GALNT15: variants seen among roughly 807,000 people sequenced by gnomAD.
GALNT15 encodes UDP-GalNAc transferase T15.
A neutral mutation model predicts 66.8 loss-of-function variants in GALNT15; 67 were observed. That is an observed-to-expected ratio of 1.00 (90% CI 0.82 to 1.23). The LOEUF is 1.23. Among genes scored for constraint, GALNT15 ranks in the 50% most tolerant of loss-of-function variants. GALNT15 has a pLI of 0.00. For missense variants in GALNT15, 827 were observed against 804.3 expected (o/e 1.03, Z -0.34); for synonymous variants, 313 against 311.5 (o/e 1.00, Z -0.05).
rs1216809656 is a variant in GALNT15, at chr3:16,227,431, G to A, written c.1851G>A (p.Leu617=). Residue 617 remains leucine, a synonymous_variant, in exon 10 of 10, where the codon CTG becomes CTA. Coordinates refer to ENST00000339732, the MANE Select transcript of GALNT15 (RefSeq NM_054110.5). This position sits in a 1 kb window ranked among gnomAD's most constrained non-coding sequence, Gnocchi z 4.5. ...AAGAAAACAATAAAGATTTGTACCT[G>A]CGTCCGTGTGATGGAAAAGCCCGCC... The part of the protein sequence containing the change: ...VVQENNKDLY[L]RPCDGKARQQ... 1 of 1,614,080 alleles carries A rather than the reference G, an allele frequency of 6.2e-7. No individual in the cohort carries two copies. The highest frequency in any genetic ancestry group is 1.1e-5 in the South Asian group (1 of 91,080).
chr3:16,194,749 A>G (rs1355895832), intron 1 of GALNT15, among the ~76,000 whole-genome samples: 1 of 152,188 alleles, frequency 6.6e-6, no homozygotes, highest in Non-Finnish European at 1.5e-5. Context: ...CAAACACCGC[A>G]TGTTCTCACT....
intron 9 of GALNT15, 61 bp downstream of exon 9, chr3:16,222,819 G>A (rs2063960090): frequency 1.3e-6 from 2 of 1,585,170 alleles, no homozygotes; most frequent in East Asian, 2.2e-5. Context: ...CTGCTGGTTG[G>A]CATTGGATCC....
At chr3:16,230,378 A>G (rs568562504), downstream of GALNT15, among the ~76,000 whole-genome samples, 1 of 152,342 alleles carries the variant, frequency 6.6e-6, no homozygotes, top group South Asian at 2.1e-4. This position sits in a 1 kb window ranked among gnomAD's most constrained non-coding sequence, Gnocchi z 4.5. Flanking sequence ...ATGGTGGTTG[A>G]AAAGTCCTCA....
In GALNT15 at chr3:16,195,705, G is replaced by C. The variant is rs904158480; in HGVS notation, c.540-55G>C. The C allele has an allele frequency of 1.1e-5, 17 of 1,516,528 alleles. No individual in the cohort carries two copies. Among genetic ancestry groups the C allele is most frequent in the Non-Finnish European group, 1.5e-5 (17 of 1,104,036 alleles). 93.9% of individuals were successfully genotyped at this position (1,516,528 alleles called of 1,614,324 possible). A position where few individuals can be genotyped will look rare whatever the true frequency, so the allele number is the denominator to read the frequency against. On this transcript the variant is annotated intron_variant, in intron 1 of 9. Coordinates refer to ENST00000339732, the MANE Select transcript of GALNT15 (RefSeq NM_054110.5). The surrounding 1 kb of genome is among the most constrained non-coding windows in gnomAD (Gnocchi z 4.6). Reference sequence around the variant, plus strand: ...CAAAGGAAGCGAGTTAGAGGGTGTGGAGTGTTTCTTGTGGCCTTCTCTTCC... The same window carrying C: ...CAAAGGAAGCGAGTTAGAGGGTGTGCAGTGTTTCTTGTGGCCTTCTCTTCC...
intron 3 of GALNT15, among the ~76,000 whole-genome samples, chr3:16,202,490 G>A (rs1401581498): frequency 6.6e-6 from 1 of 152,154 alleles, no homozygotes; most frequent in Non-Finnish European, 1.5e-5. Context: ...AAAATTAACT[G>A]GGTGTGGTAG....
intron 2 of GALNT15, among the ~76,000 whole-genome samples, chr3:16,198,316 A>C (rs1253997579): frequency 7.1e-6 from 1 of 140,676 alleles, no homozygotes; most frequent in Non-Finnish European, 1.6e-5. Flanking sequence ...GGCGAAGAAG[A>C]GATAGGCAGA....
intron 2 of GALNT15, among the ~76,000 whole-genome samples, chr3:16,199,837 A>T (rs2063680057): frequency 6.6e-6 from 1 of 152,180 alleles, no homozygotes; most frequent in African/African-American, 2.4e-5. Context: ...TTAATACCCC[A>T]AGGCAAGTCT....
Position 16,200,848 on chromosome 3 carries a change from A to G in GALNT15, c.911+25A>G, listed in dbSNP as rs372255227. Reference sequence around the variant, plus strand: ...GGTAACTTATTCCCTGGGCTTGCAAAGCAAGACATGGAACTGGGAGAAACA... The same window carrying G: ...GGTAACTTATTCCCTGGGCTTGCAAGGCAAGACATGGAACTGGGAGAAACA... On this transcript the variant is annotated intron_variant, in intron 3 of 9. Transcript: ENST00000339732. This position sits in a 1 kb window ranked among gnomAD's most constrained non-coding sequence, Gnocchi z 4.4. The G allele has an allele frequency of 2.6e-6, 4 of 1,567,264 alleles. No individual in the cohort carries two copies. The highest frequency in any genetic ancestry group is 3.5e-6 in the Non-Finnish European group (4 of 1,153,492).
intron 6 of GALNT15, among the ~76,000 whole-genome samples, chr3:16,218,127 G>A (rs2063899875): frequency 6.6e-6 from 1 of 152,190 alleles, no homozygotes; most frequent in Admixed American, 6.5e-5. Context: ...CATTTCTCAG[G>A]CAGATGCTCA....
chr3:16,208,349 G>A (rs1039047727), intron 3 of GALNT15, among the ~76,000 whole-genome samples, 154 bp from the exon 4 acceptor site: 1 of 152,122 alleles, frequency 6.6e-6, no homozygotes, highest in Admixed American at 6.5e-5. Flanking sequence ...AATCCAGGGT[G>A]TATTTTACAC....
rs1394328198 is a variant in GALNT15 at position 16,224,591 on chromosome 3, TAACAATGTGA to T, written c.1773+1835_1773+1844del. Among the ~76,000 whole-genome samples the T allele has an allele frequency of 6.6e-6, 1 of 151,698 alleles. No homozygotes were observed. The highest frequency in any genetic ancestry group is 2.4e-5 in the African/African-American group (1 of 41,336). ...GAAAAAGTTCTGGATATCTGTTTCA[TAACAATGTGA>T]ATATATTTAACACTATTGTAGTAGG... On this transcript the variant is annotated intron_variant, in intron 9 of 9. Coordinates refer to ENST00000339732, the MANE Select transcript of GALNT15 (RefSeq NM_054110.5). This position sits in a 1 kb window ranked among gnomAD's most constrained non-coding sequence, Gnocchi z 5.2.
rs536336705 is a variant in GALNT15 at position 16,183,293 on chromosome 3, C to T, written c.539+7603C>T. ...AGCCCTTTCCTCCCATCTCTCTTGTCTGCAAGCTTCTTCATCCATTCTTCT... is the reference window on the plus strand; with the variant it reads ...AGCCCTTTCCTCCCATCTCTCTTGTTTGCAAGCTTCTTCATCCATTCTTCT... On this transcript the variant is annotated intron_variant, in intron 1 of 9. Transcript: ENST00000339732. This position sits in a 1 kb window ranked among gnomAD's most constrained non-coding sequence, Gnocchi z 5.2. 1.3e-5 allele frequency: 2 copies of T among 152,420 alleles called. No individual in the cohort carries two copies. Among genetic ancestry groups the T allele is most frequent in the East Asian group, 3.9e-4 (2 of 5,180 alleles). The allele number at this position is 152,420 out of a possible 1,614,324, so 9.4% of individuals were successfully genotyped here. A position where few individuals can be genotyped will look rare whatever the true frequency, so the allele number is the denominator to read the frequency against.
At chr3:16,214,478 A>G (rs1336198928) in intron 6 of GALNT15, among the ~76,000 whole-genome samples, 7 of 152,356 alleles carry the variant, frequency 4.6e-5, no homozygotes, top group Non-Finnish European at 1.0e-4. Context: ...AGCACTTTAG[A>G]TGAGTGCCTG....
In GALNT15 at chr3:16,230,133, G is replaced by A. The variant is rs541926984; in HGVS notation, c.*2633G>A. ...ATTTTGTGATTGGATTTTGTTGTTC[G>A]TTTTTTAAGATTGAATTTTGTTACC... On this transcript the variant is annotated 3_prime_UTR_variant, in exon 10 of 10. Transcript: ENST00000339732. The surrounding 1 kb of genome is among the most constrained non-coding windows in gnomAD (Gnocchi z 4.5). Among the ~76,000 whole-genome samples, 7 of 149,678 alleles carry A rather than the reference G, an allele frequency of 4.7e-5. No homozygotes were observed. Among genetic ancestry groups the A allele is most frequent in the East Asian group, 1.9e-4 (1 of 5,184 alleles).
At position 16,200,723 on chromosome 3, in the gene GALNT15, G is replaced by T. The variant is rs1374803884; in HGVS notation, c.811G>T (p.Ala271Ser). The T allele has an allele frequency of 6.2e-7, 1 of 1,612,018 alleles. No homozygotes were observed. The highest frequency in any genetic ancestry group is 8.5e-7 in the Non-Finnish European group (1 of 1,179,126). ...LGAIRARMLG[A>S]TRATGDVLVF... ...TGCCATCAGGGCCCGGATGCTGGGG[G>T]CCACCAGAGCCACCGGGGATGTGCT... Residue 271 changes from alanine (A) to serine (S), a missense_variant, in exon 3 of 10, where the codon GCC (alanine) becomes TCC (serine). Ala to Ser is a moderately conservative substitution (Grantham distance 99, BLOSUM62 1). Coordinates refer to ENST00000339732, the MANE Select transcript of GALNT15 (RefSeq NM_054110.5). This position sits in a 1 kb window ranked among gnomAD's most constrained non-coding sequence, Gnocchi z 4.4.
At position 16,184,361 on chromosome 3, in the gene GALNT15, C is replaced by G. The variant is rs1189835764; in HGVS notation, c.539+8671C>G. Among the ~76,000 whole-genome samples the G allele has an allele frequency of 3.3e-5, 5 of 152,222 alleles. No individual in the cohort carries two copies. Among genetic ancestry groups the G allele is most frequent in the African/African-American group, 1.2e-4 (5 of 41,460 alleles). Reference sequence around the variant, plus strand: ...ATGATGTTCAAGAGCCTTTGCCATGCTCTGCCTCATTGGTTGGCTCAGCAA... The same window carrying G: ...ATGATGTTCAAGAGCCTTTGCCATGGTCTGCCTCATTGGTTGGCTCAGCAA... On this transcript the variant is annotated intron_variant, in intron 1 of 9. Transcript: ENST00000339732. The surrounding 1 kb of genome is among the most constrained non-coding windows in gnomAD (Gnocchi z 5.0).
intron 8 of GALNT15, among the ~76,000 whole-genome samples, chr3:16,221,416 G>A (rs1309333097): frequency 6.6e-6 from 1 of 152,028 alleles, no homozygotes; most frequent in Non-Finnish European, 1.5e-5. Flanking sequence ...AAGAAAGAAA[G>A]GGAAACCTCC....
Position 16,211,349 on chromosome 3 carries a change from G to A in GALNT15, c.1197+108G>A. 1 of 726,732 alleles carries A rather than the reference G, an allele frequency of 1.4e-6. No homozygotes were observed. The highest frequency in any genetic ancestry group is 2.4e-6 in the Non-Finnish European group (1 of 410,490). The allele number at this position is 726,732 out of a possible 1,614,324, so 45.0% of individuals were successfully genotyped here. A position where few individuals can be genotyped will look rare whatever the true frequency, so the allele number is the denominator to read the frequency against. On this transcript the variant is annotated intron_variant, in intron 5 of 9. Coordinates refer to ENST00000339732, the MANE Select transcript of GALNT15 (RefSeq NM_054110.5). This position sits in a 1 kb window ranked among gnomAD's most constrained non-coding sequence, Gnocchi z 4.3. Reference sequence around the variant, plus strand: ...TGTCACTGGGAAGGAATGAGGCTGTGGGAAAATTATAAAGTCATTCCTGTG... The same window carrying A: ...TGTCACTGGGAAGGAATGAGGCTGTAGGAAAATTATAAAGTCATTCCTGTG...
the GALNT15 span, among the ~76,000 whole-genome samples, chr3:16,243,366 G>T: frequency 3.9e-5 from 6 of 152,222 alleles, no homozygotes; most frequent in African/African-American, 7.2e-5. Flanking sequence ...ACCAACAAAG[G>T]TTCCCTCAGG....
Sources: gnomAD v4.1 joint callset for allele counts (sites outside exome capture counted in the v4.1 genomes callset) on GRCh38, gnomAD v4.1.1 for gene constraint, Gnocchi (gnomAD v3.1) non-coding constraint, MANE v1.5 for transcripts, NCBI Gene and HGNC (gene_info 2026-07-23, HGNC 2026-07-21) for gene names.